GPC6: variants seen among roughly 807,000 people sequenced by gnomAD.
GPC6 encodes glypican 6, also known as glypican-6.
In GPC6, 14 loss-of-function variants were observed where a neutral mutation model predicts 55.2. That is an observed-to-expected ratio of 0.25 (90% confidence interval 0.17 to 0.40). The LOEUF is 0.40. Ranked by LOEUF, GPC6 falls within the 10% of genes least tolerant of loss-of-function variation. The pLI is 1.00. For missense variants in GPC6, 641 were observed against 708.5 expected, an observed-to-expected ratio of 0.90 and a Z score of 1.08; for synonymous variants, 278 against 259.6, an observed-to-expected ratio of 1.07 and a Z score of -0.68.
intron 4 of GPC6, among the ~76,000 whole-genome samples, chr13:94,221,125 C>T (rs1409600719): frequency 6.6e-6 from 1 of 152,078 alleles, no homozygotes; most frequent in African/African-American, 2.4e-5. Flanking sequence ...TGGTGACTAC[C>T]ATTTCTATAG....
At chr13:94,199,123 T>A (rs1318143928) in intron 4 of GPC6, among the ~76,000 whole-genome samples, 4 of 152,226 alleles carry the variant, frequency 2.6e-5, no homozygotes, top group Non-Finnish European at 5.9e-5. Flanking sequence ...ACATTAGACA[T>A]TTGGGAAGGA....
rs900939575 is a variant in GPC6, at chr13:94,367,151, C to T, written c.1153-15263C>T. Among the ~76,000 whole-genome samples the T allele has an allele frequency of 3.3e-5, 5 of 152,272 alleles. No individual in the cohort carries two copies. In the East Asian group the frequency reaches 5.8e-4, roughly 18 times the overall value. On this transcript the variant is annotated intron_variant, in intron 6 of 8. Transcript: ENST00000377047. ...GAGCCTGTCAAGAATGCTCTAGAAG[C>T]GTTGGACTGACTGTGAGAGCTCTGC... is the stretch of plus-strand genomic sequence containing the variant.
intron 1 of GPC6, among the ~76,000 whole-genome samples, chr13:93,419,640 C>A (rs979319982): frequency 6.6e-6 from 1 of 152,096 alleles, no homozygotes; most frequent in African/African-American, 2.4e-5. Flanking sequence ...CGGATTGAAT[C>A]CAAGCCTGTA....
chr13:94,365,337 C>A (rs893069562), intron 6 of GPC6, among the ~76,000 whole-genome samples: 1 of 152,162 alleles, frequency 6.6e-6, no homozygotes, highest in African/African-American at 2.4e-5. Context: ...TTATTAGTAT[C>A]TCATCCTATT....
At chr13:94,331,381 A>T (rs1877409395) in intron 6 of GPC6, among the ~76,000 whole-genome samples, 1 of 152,046 alleles carries the variant, frequency 6.6e-6, no homozygotes, top group Non-Finnish European at 1.5e-5. Flanking sequence ...CCCGTCCCTG[A>T]TTTACAGCAA....
intron 1 of GPC6, among the ~76,000 whole-genome samples, chr13:93,374,287 C>T (rs773947075): frequency 4.6e-5 from 7 of 152,098 alleles, no homozygotes; most frequent in African/African-American, 7.2e-5. Context: ...CTAGGGATTG[C>T]GGAGCAGGTG....
intron 1 of GPC6, among the ~76,000 whole-genome samples, chr13:93,507,076 A>C (rs1026706424): frequency 6.7e-6 from 1 of 149,234 alleles, no homozygotes; most frequent in Non-Finnish European, 1.5e-5. Flanking sequence ...AAAAAAAAAA[A>C]AAAAAAAAAA....
chr13:93,873,083 C>A (rs1243392517), intron 3 of GPC6, among the ~76,000 whole-genome samples: 2 of 145,556 alleles, frequency 1.4e-5, no homozygotes, highest in Non-Finnish European at 3.0e-5. Context: ...CCTTTAACTA[C>A]TTTTTTTTTT....
intron 1 of GPC6, among the ~76,000 whole-genome samples, chr13:93,309,289 TAAG>T (rs34106552): frequency 0.12 from 17,989 of 152,074 alleles, 1,279 homozygotes; most frequent in East Asian, 0.36. Context: ...ATTTTTGTGA[TAAG>T]AAATGACTTT....
At chr13:94,003,773 G>A (rs1024931248) in intron 3 of GPC6, among the ~76,000 whole-genome samples, 3 of 152,062 alleles carry the variant, frequency 2.0e-5, no homozygotes, top group African/African-American at 7.2e-5. Flanking sequence ...TGGACATTTT[G>A]ATAATTATAA....
chr13:93,426,213 G>C (rs1271769190), intron 1 of GPC6, among the ~76,000 whole-genome samples: 4 of 145,522 alleles, frequency 2.7e-5, no homozygotes, highest in Non-Finnish European at 6.1e-5. Context: ...TCTAGGCAAT[G>C]GTAAAAGTGT....
At chr13:93,677,374 C>T (rs1002938279) in intron 2 of GPC6, among the ~76,000 whole-genome samples, 4 of 152,140 alleles carry the variant, frequency 2.6e-5, no homozygotes, top group African/African-American at 9.6e-5. Flanking sequence ...GTATATTATT[C>T]ACCATTTATA....
At chr13:94,153,965 C>T (rs556505298) in intron 4 of GPC6, among the ~76,000 whole-genome samples, 14 of 152,228 alleles carry the variant, frequency 9.2e-5, no homozygotes, top group African/African-American at 2.9e-4. Flanking sequence ...TGAAAAAATA[C>T]TATATAAGAC....
At chr13:93,792,635 T>A (rs1175865777) in intron 2 of GPC6, among the ~76,000 whole-genome samples, 1 of 152,168 alleles carries the variant, frequency 6.6e-6, no homozygotes, top group Non-Finnish European at 1.5e-5. Context: ...TTTAATTGCT[T>A]CCCACATGCT....
At chr13:93,457,902 G>A (rs1878525606) in intron 1 of GPC6, among the ~76,000 whole-genome samples, 1 of 152,030 alleles carries the variant, frequency 6.6e-6, no homozygotes, top group African/African-American at 2.4e-5. Flanking sequence ...AGCTAAATAA[G>A]GTTGTTTTCC....
At position 94,178,860 on chromosome 13, in the gene GPC6, G is replaced by C. The variant is rs9670334; in HGVS notation, c.878-107489G>C. Among the ~76,000 whole-genome samples, 1,496 of 152,290 alleles carry C rather than the reference G, an allele frequency of 9.8e-3. 22 individuals carry two copies. The highest frequency in any genetic ancestry group is 0.034 in the African/African-American group (1,408 of 41,552). On this transcript the variant is annotated intron_variant, in intron 4 of 8. Coordinates refer to ENST00000377047, the MANE Select transcript of GPC6 (RefSeq NM_005708.5). ...GCAGATGAGATGATGAATCTAAACG[G>C]TTGGATGTTATGAGTCCTCCTGCCT... is the stretch of plus-strand genomic sequence containing the variant.
chr13:94,297,169 C>T (rs1025957989), intron 5 of GPC6, among the ~76,000 whole-genome samples: 1 of 152,062 alleles, frequency 6.6e-6, no homozygotes, highest in Non-Finnish European at 1.5e-5. Flanking sequence ...GTGGGTGTTC[C>T]GTCACACTTC....
rs146037924 is a variant in GPC6 at position 93,840,430 on chromosome 13, G to A, written c.711+9885G>A. 2.0e-4 allele frequency among the ~76,000 whole-genome samples: 30 copies of A among 152,106 alleles called. 1 individual carries two copies. The highest frequency in any genetic ancestry group is 4.4e-4 in the Non-Finnish European group (30 of 67,970). On this transcript the variant is annotated intron_variant, in intron 3 of 8. Coordinates refer to ENST00000377047, the MANE Select transcript of GPC6 (RefSeq NM_005708.5). The stretch of plus-strand genomic sequence containing the variant: ...TACCCTGAACAGGTTGTGATATATT[G>A]GGAAAAATCAATCAACCAAAGATTG...
At chr13:93,394,149 C>T (rs1875756766) in intron 1 of GPC6, among the ~76,000 whole-genome samples, 1 of 152,170 alleles carries the variant, frequency 6.6e-6, no homozygotes, top group African/African-American at 2.4e-5. Flanking sequence ...TTATTTCTAC[C>T]TGTGATTTTA....
Sources: gnomAD v4.1 joint callset for allele counts (sites outside exome capture counted in the v4.1 genomes callset) on GRCh38, gnomAD v4.1.1 for gene constraint, MANE v1.5 for transcripts, NCBI Gene and HGNC (gene_info 2026-07-23, HGNC 2026-07-21) for gene names.